ZFAND3: variants seen among roughly 807,000 people sequenced by gnomAD.
The protein encoded by ZFAND3 is zinc finger AN1-type containing 3.
Under a neutral mutation model 29.6 loss-of-function variants are expected in ZFAND3, and 10 were observed. The ratio of observed to expected loss-of-function variants is 0.34; its 90% CI spans 0.21 to 0.57. The LOEUF (loss-of-function observed/expected upper bound fraction) is 0.57, where lower values mean the gene tolerates loss of function less well. ZFAND3 is among the 20% of genes least tolerant of loss of function. The pLI is 0.86. For synonymous variants in ZFAND3, 128 were observed against 112.6 expected (o/e 1.14, Z -0.87); for missense variants, 230 against 304.5 (o/e 0.76, Z 1.82).
chr6:38,105,544 C>G (rs1765190939), intron 4 of ZFAND3, among the ~76,000 whole-genome samples: 1 of 152,020 alleles, frequency 6.6e-6, no homozygotes, highest in Admixed American at 6.6e-5. Context: ...TCCCAGGTTG[C>G]CAGGGATCAG....
At chr6:37,940,011 G>T (rs545535913) in intron 2 of ZFAND3, among the ~76,000 whole-genome samples, 12 of 152,274 alleles carry the variant, frequency 7.9e-5, no homozygotes, top group Admixed American at 5.2e-4. Flanking sequence ...CTGCACTCCA[G>T]CCTGGGCGAC....
At chr6:38,030,542 A>G (rs1256165324) in intron 2 of ZFAND3, among the ~76,000 whole-genome samples, 1 of 152,172 alleles carries the variant, frequency 6.6e-6, no homozygotes, top group Non-Finnish European at 1.5e-5. Flanking sequence ...AGAGAAAAGG[A>G]CACATTTCAT....
In ZFAND3 at chr6:38,066,143, G is replaced by A. The variant is rs12660221; in HGVS notation, c.295+4368G>A. ...CCTCACCTAGGTTGAAAGCAGCTGT[G>A]CTAGAGTGAGGAAGATGTGTGCCAG... On this transcript the variant is annotated intron_variant, in intron 3 of 5. Transcript: ENST00000287218. 0.017 allele frequency among the ~76,000 whole-genome samples: 2,542 copies of A among 152,278 alleles called. 253 individuals are homozygous for A. In the East Asian group the frequency reaches 0.28, roughly 17 times the overall value.
intron 1 of ZFAND3, among the ~76,000 whole-genome samples, chr6:37,905,341 T>G (rs1391699280): frequency 6.6e-6 from 1 of 152,136 alleles, no homozygotes; most frequent in African/African-American, 2.4e-5. Flanking sequence ...AATCTGTGTT[T>G]TTTAATAATT....
intron 1 of ZFAND3, among the ~76,000 whole-genome samples, chr6:37,900,525 G>A (rs897055802): frequency 6.6e-6 from 1 of 152,100 alleles, no homozygotes; most frequent in Non-Finnish European, 1.5e-5. Context: ...AACTGATTTA[G>A]TTTTCTAAGT....
intron 2 of ZFAND3, among the ~76,000 whole-genome samples, chr6:38,019,648 G>C (rs376579323): frequency 6.6e-6 from 1 of 151,922 alleles, no homozygotes; most frequent in Non-Finnish European, 1.5e-5. Context: ...ATGCTTCTTC[G>C]GTTTGCTTTT....
At chr6:37,929,373 CTAT>C (rs1260039006) in intron 1 of ZFAND3, among the ~76,000 whole-genome samples, 102 of 152,140 alleles carry the variant, frequency 6.7e-4, no homozygotes, top group Non-Finnish European at 9.1e-4. Flanking sequence ...TGAATTGTAG[CTAT>C]TATTAATGGA....
intron 1 of ZFAND3, among the ~76,000 whole-genome samples, chr6:37,854,591 TATTA>T (rs1315355882): frequency 4.6e-5 from 7 of 152,202 alleles, no homozygotes; most frequent in Admixed American, 2.0e-4. Flanking sequence ...GTGTTATGTG[TATTA>T]ATTATTTCCT....
intron 4 of ZFAND3, among the ~76,000 whole-genome samples, chr6:38,099,428 GCA>G (rs1765048157): frequency 2.0e-5 from 3 of 152,124 alleles, no homozygotes; most frequent in Non-Finnish European, 4.4e-5. Context: ...TTGGCCTTAT[GCA>G]CCCCGTCATT....
chr6:38,082,549 C>G, intron 4 of ZFAND3, 92 bp downstream of exon 4: 1 of 1,204,100 alleles, frequency 8.3e-7, no homozygotes, highest in Non-Finnish European at 1.2e-6. Context: ...TCTCAGGGTA[C>G]TCTGATTTCT....
intron 4 of ZFAND3, among the ~76,000 whole-genome samples, chr6:38,088,914 C>T (rs1764809051): frequency 1.3e-5 from 2 of 152,086 alleles, no homozygotes; most frequent in African/African-American, 4.8e-5. Context: ...GGCAGTTTTT[C>T]CAGAAAGTGT....
intron 2 of ZFAND3, among the ~76,000 whole-genome samples, chr6:38,009,976 C>G (rs1442815744): frequency 6.6e-6 from 1 of 152,156 alleles, no homozygotes; most frequent in African/African-American, 2.4e-5. Flanking sequence ...AGGTAACTGG[C>G]AGAGTTAAAT....
Position 38,096,275 on chromosome 6 carries a change from C to T in ZFAND3, c.361+13818C>T, listed in dbSNP as rs189720617. The stretch of plus-strand genomic sequence containing the variant: ...GCAACCTCCGCCTCTCGGGTTTAAG[C>T]GATTCTCCTGCCTGAGCCTCCCAAG... On this transcript the variant is annotated intron_variant, in intron 4 of 5. Coordinates refer to ENST00000287218, the MANE Select transcript of ZFAND3 (RefSeq NM_021943.3). Among the ~76,000 whole-genome samples the T allele has an allele frequency of 5.1e-4, 77 of 151,678 alleles. 1 individual carries two copies. The East Asian group carries it at 0.012, about 24-fold the overall frequency.
chr6:38,122,003 C>T (rs1018466063), intron 5 of ZFAND3, among the ~76,000 whole-genome samples: 4 of 152,188 alleles, frequency 2.6e-5, no homozygotes, highest in Admixed American at 2.6e-4. Context: ...CTAGCACTCC[C>T]TCAGCATTTA....
chr6:38,042,105 G>C (rs1459498215), intron 2 of ZFAND3, among the ~76,000 whole-genome samples: 3 of 151,252 alleles, frequency 2.0e-5, no homozygotes, highest in Non-Finnish European at 4.4e-5. Flanking sequence ...AAAGTGCTAG[G>C]ATTACAGGTG....
intron 5 of ZFAND3, among the ~76,000 whole-genome samples, chr6:38,140,240 T>G (rs1324167676): frequency 6.6e-6 from 1 of 152,208 alleles, no homozygotes; most frequent in Admixed American, 6.5e-5. Context: ...TTCAGAATTG[T>G]TAGCATACAT....
Position 38,103,457 on chromosome 6 carries a change from A to G in ZFAND3, c.362-13115A>G, listed in dbSNP as rs55948829. 5.1e-5 allele frequency among the ~76,000 whole-genome samples: 3 copies of G among 59,230 alleles called. No individual in the cohort carries two copies. The Admixed American group carries it at 5.3e-4, about 10-fold the overall frequency. 38.9% of individuals were successfully genotyped at this position (59,230 alleles called of 152,430 possible). A position where few individuals can be genotyped will look rare whatever the true frequency, so the allele number is the denominator to read the frequency against. ...TATACACGTGTATATATATACACAC[A>G]TATATACACGTGTATATATATACAC... On this transcript the variant is annotated intron_variant, in intron 4 of 5. Coordinates refer to ENST00000287218, the MANE Select transcript of ZFAND3 (RefSeq NM_021943.3).
intron 1 of ZFAND3, among the ~76,000 whole-genome samples, chr6:37,922,146 C>T (rs1250899254): frequency 6.6e-6 from 1 of 151,720 alleles, no homozygotes; most frequent in Non-Finnish European, 1.5e-5. Context: ...TAGAACTTAC[C>T]TGGAAGGTAA....
At chr6:38,148,185 A>G (rs529118310) in intron 5 of ZFAND3, among the ~76,000 whole-genome samples, 24 of 152,290 alleles carry the variant, frequency 1.6e-4, no homozygotes, top group African/African-American at 5.8e-4. Context: ...TAGCAGGCCA[A>G]TTCTCTGAGC....
Sources: allele counts gnomAD v4.1 joint callset (sites outside exome capture counted in the v4.1 genomes callset), GRCh38; gene constraint gnomAD v4.1.1; transcripts MANE v1.5; gene names NCBI Gene and HGNC (gene_info 2026-07-23, HGNC 2026-07-21).